KIAA0319: variants seen among roughly 807,000 people sequenced by gnomAD.
KIAA0319 encodes the protein KIAA0319.
A neutral mutation model predicts 108.4 loss-of-function variants in KIAA0319; 83 were observed. The ratio of observed to expected loss-of-function variants is 0.77; its 90% CI spans 0.64 to 0.92. The LOEUF (loss-of-function observed/expected upper bound fraction) is 0.92, where lower values mean the gene tolerates loss of function less well. Ranked by LOEUF, KIAA0319 falls within the 40% of genes least tolerant of loss-of-function variation. The pLI, the probability that KIAA0319 is intolerant of heterozygous loss-of-function variation, is 0.00. For missense variants in KIAA0319, 1,195 were observed against 1,322.4 expected, an observed-to-expected ratio of 0.90 and a Z score of 1.49; for synonymous variants, 484 against 510.4, an observed-to-expected ratio of 0.95 and a Z score of 0.70.
At chr6:24,612,795 T>C (rs1025174686) in intron 1 of KIAA0319, among the ~76,000 whole-genome samples, 2 of 151,914 alleles carry the variant, frequency 1.3e-5, no homozygotes, top group Non-Finnish European at 2.9e-5. Context: ...TCAGGGAGAA[T>C]TTTTTTGTTG....
chr6:24,582,507 GTTTA>G (rs1365780286), intron 5 of KIAA0319, among the ~76,000 whole-genome samples, 161 bp from the exon 6 acceptor site: 1 of 143,366 alleles, frequency 7.0e-6, no homozygotes, highest in African/African-American at 2.6e-5. Context: ...TATATTTTTT[GTTTA>G]TTTGTTTTTA....
chr6:24,580,924 A>G lies in KIAA0319; in HGVS notation c.1279+2T>C, dbSNP rs1766420253. ...GGAGGTCATTCTCTTACACCGGCTT[A>G]CCAGGCTTAACAGTGACATTGACAA... On this transcript the variant is annotated splice_donor_variant, in intron 7 of 20. Coordinates refer to ENST00000378214, the MANE Select transcript of KIAA0319 (RefSeq NM_014809.4). LOFTEE classifies it high-confidence loss of function. 3 of 1,601,648 alleles carry G rather than the reference A, an allele frequency of 1.9e-6. No homozygotes were observed. The Admixed American group carries it at 5.0e-5, about 27-fold the overall frequency.
At position 24,599,742 on chromosome 6, in the gene KIAA0319, T is replaced by C; in HGVS notation, c.55+1307A>G. 3.6e-6 allele frequency: 2 copies of C among 550,076 alleles called. 1 individual carries two copies. The highest frequency in any genetic ancestry group is 3.5e-5 in the South Asian group (2 of 57,944). The allele number at this position is 550,076 out of a possible 1,614,324, so 34.1% of individuals were successfully genotyped here. A position where few individuals can be genotyped will look rare whatever the true frequency, so the allele number is the denominator to read the frequency against. On this transcript the variant is annotated intron_variant, in intron 2 of 20. Transcript: ENST00000378214. This position sits in a 1 kb window ranked among gnomAD's most constrained non-coding sequence, Gnocchi z 4.1. ...CATGGTTGTGAAGAAGATCGAGATTTGTGATAGGAAACTGGTGTCTGAGTC... is the reference window on the plus strand; with the variant it reads ...CATGGTTGTGAAGAAGATCGAGATTCGTGATAGGAAACTGGTGTCTGAGTC...
chr6:24,542,391 C>A (rs987281229), downstream of KIAA0319, among the ~76,000 whole-genome samples: 1 of 152,140 alleles, frequency 6.6e-6, no homozygotes, highest in African/African-American at 2.4e-5. Flanking sequence ...AGAGCCAATC[C>A]TTTAAGATAA....
chr6:24,542,708 C>G (rs190982186), downstream of KIAA0319, among the ~76,000 whole-genome samples: 285 of 152,316 alleles, frequency 1.9e-3, 5 homozygotes, highest in South Asian at 0.03. Flanking sequence ...GAGCAAGACC[C>G]TGTCTCAAAC....
chr6:24,614,066 G>C (rs1164246493), intron 1 of KIAA0319, among the ~76,000 whole-genome samples: 1 of 152,168 alleles, frequency 6.6e-6, no homozygotes, highest in East Asian at 1.9e-4. Flanking sequence ...CAGAAAAGTA[G>C]CTGTGACCAA....
rs746380749 is a variant in KIAA0319, at chr6:24,563,418, C to T, written c.2532G>A (p.Leu844=). The T allele has an allele frequency of 3.7e-6, 6 of 1,613,838 alleles. No homozygotes were observed. Among genetic ancestry groups the T allele is most frequent in the South Asian group, 1.1e-5 (1 of 91,016 alleles). Residue 844 remains leucine, a synonymous_variant, in exon 16 of 21, where the codon CTG becomes CTA. Coordinates refer to ENST00000378214, the MANE Select transcript of KIAA0319 (RefSeq NM_014809.4). ...TAATGTCCGAGTCCAGCACGTTCAG[C>T]AGCACAGCCAGCTGCCTCACAAGGG... The part of the protein sequence containing the change: ...KDTLVRQLAV[L]LNVLDSDIKV...
chr6:24,644,414 G>A (rs1777356183), intron 1 of KIAA0319, among the ~76,000 whole-genome samples: 1 of 152,122 alleles, frequency 6.6e-6, no homozygotes, highest in South Asian at 2.1e-4. Context: ...TTATTTAGAA[G>A]TTTGGTGATT....
chr6:24,543,120 C>G (rs187591352), downstream of KIAA0319, among the ~76,000 whole-genome samples: 1 of 152,284 alleles, frequency 6.6e-6, no homozygotes, highest in East Asian at 1.9e-4. Context: ...CTTCAAATTC[C>G]TTTTCAGAGA....
intron 1 of KIAA0319, among the ~76,000 whole-genome samples, chr6:24,612,622 GAAGA>G (rs1772500078): frequency 1.3e-5 from 2 of 152,204 alleles, no homozygotes; most frequent in South Asian, 2.1e-4. Context: ...TTTGTTAAGT[GAAGA>G]AAGAAAGTGC....
At chr6:24,586,662 C>A (rs1378514667) in intron 4 of KIAA0319, among the ~76,000 whole-genome samples, 1 of 152,104 alleles carries the variant, frequency 6.6e-6, no homozygotes, top group Non-Finnish European at 1.5e-5. Context: ...TATAATAAAC[C>A]TCTCTGAGAT....
At chr6:24,568,147 G>A (rs1437724756) in intron 13 of KIAA0319, among the ~76,000 whole-genome samples, 6 of 152,234 alleles carry the variant, frequency 3.9e-5, no homozygotes, top group African/African-American at 9.6e-5. Flanking sequence ...CTCTCCCAGC[G>A]TCCCACACTC....
intron 2 of KIAA0319, chr6:24,598,338 T>C (rs1390532748): frequency 7.5e-6 from 5 of 669,788 alleles, no homozygotes; most frequent in Non-Finnish European, 1.4e-5. Context: ...ACAACAAGTT[T>C]ACCTCCTTTA....
intron 4 of KIAA0319, among the ~76,000 whole-genome samples, 193 bp from the exon 5 acceptor site, chr6:24,583,895 G>A (rs1038534067): frequency 2.0e-5 from 3 of 152,138 alleles, no homozygotes; most frequent in Non-Finnish European, 4.4e-5. Context: ...TTATAGTACA[G>A]GGTTTTAAAC....
At chr6:24,623,367 A>G (rs916373180) in intron 1 of KIAA0319, among the ~76,000 whole-genome samples, 3 of 152,140 alleles carry the variant, frequency 2.0e-5, no homozygotes, top group African/African-American at 7.2e-5. Context: ...AATAGAGGGG[A>G]AGAAGTGAAG....
rs78111559 is a variant in KIAA0319, at chr6:24,588,850, T to C, written c.802-65A>G. ...AAAACAGTCCAACTCTTCAAGCAAC[T>C]CAATGTTACCAACCTTTTTCATAAA... On this transcript the variant is annotated intron_variant, in intron 3 of 20. Coordinates refer to ENST00000378214, the MANE Select transcript of KIAA0319 (RefSeq NM_014809.4). 2.5e-4 allele frequency: 330 copies of C among 1,300,298 alleles called. No individual in the cohort carries two copies. In the African/African-American group the frequency reaches 4.0e-3, roughly 16 times the overall value. 80.5% of individuals were successfully genotyped at this position (1,300,298 alleles called of 1,614,324 possible).
At chr6:24,570,093 C>G in intron 11 of KIAA0319, 58 bp from the exon 12 acceptor site, 1 of 1,536,968 alleles carries the variant, frequency 6.5e-7, no homozygotes, top group Non-Finnish European at 8.9e-7. Flanking sequence ...GTCTGCAATC[C>G]TGTGATTTCT....
At chr6:24,577,865 C>T (rs1289871212) in intron 9 of KIAA0319, among the ~76,000 whole-genome samples, 2 of 152,140 alleles carry the variant, frequency 1.3e-5, no homozygotes, top group Non-Finnish European at 2.9e-5. Context: ...TAATTAAATA[C>T]AAATGAATTA....
At chr6:24,600,647 G>A in intron 2 of KIAA0319, 5 of 1,534,298 alleles carry the variant, frequency 3.3e-6, no homozygotes, top group Non-Finnish European at 4.4e-6. Context: ...GTCTAGTCAT[G>A]GGTCTTCTTA....
Sources: gnomAD v4.1 joint callset for allele counts (sites outside exome capture counted in the v4.1 genomes callset) on GRCh38, gnomAD v4.1.1 for gene constraint, Gnocchi (gnomAD v3.1) non-coding constraint, MANE v1.5 for transcripts, NCBI Gene and HGNC (gene_info 2026-07-23, HGNC 2026-07-21) for gene names.